MYH15: variants seen among roughly 807,000 people sequenced by gnomAD.
MYH15 encodes the protein myosin-15.
Under a neutral mutation model 240.5 loss-of-function variants are expected in MYH15, and 227 were observed. The ratio of observed to expected loss-of-function variants is 0.94; its 90% CI spans 0.85 to 1.05. The LOEUF (loss-of-function observed/expected upper bound fraction) is 1.05, where lower values mean the gene tolerates loss of function less well. Ranked by LOEUF, MYH15 falls within the 50% of genes least tolerant of loss-of-function variation. The pLI, the probability that MYH15 is intolerant of heterozygous loss-of-function variation, is 0.00. For missense variants in MYH15, 2,217 were observed against 2,247.5 expected, an observed-to-expected ratio of 0.99 and a Z score of 0.27; for synonymous variants, 785 against 796.7, an observed-to-expected ratio of 0.99 and a Z score of 0.25.
At chr3:108,492,979 GA>G in intron 8 of MYH15, 134 bp downstream of exon 8, 1 of 695,362 alleles carries the variant, frequency 1.4e-6, no homozygotes. Context: ...AAGGAAGGGA[GA>G]AAAAGAACGA....
Position 108,470,127 on chromosome 3 carries a change from T to C in MYH15, c.1469A>G (p.Gln490Arg). Reference protein sequence around the residue: ...FFNWHMFVLEQEEYKKESIEW... With the variant: ...FFNWHMFVLEREEYKKESIEW... Reference sequence around the variant, plus strand: ...AATGCTTTCTTTCTTATATTCCTCTTGCTCCAGAACAAACATGTGCCAATT... The same window carrying C: ...AATGCTTTCTTTCTTATATTCCTCTCGCTCCAGAACAAACATGTGCCAATT... The change falls in exon 14 of 41, where the codon CAA (glutamine) becomes CGA (arginine). Residue 490 changes from glutamine to arginine, a missense_variant. Gln to Arg is a conservative substitution (Grantham distance 43). Coordinates refer to ENST00000693548, the MANE Select transcript of MYH15 (RefSeq NM_014981.3). 1.2e-6 allele frequency: 2 copies of C among 1,611,770 alleles called. No individual in the cohort carries two copies. The highest frequency in any genetic ancestry group is 1.7e-6 in the Non-Finnish European group (2 of 1,179,176).
chr3:108,441,362 C>G (rs1312798749), intron 22 of MYH15, 102 bp from the exon 23 acceptor site: 1 of 1,318,570 alleles, frequency 7.6e-7, no homozygotes, highest in Non-Finnish European at 1.1e-6. Flanking sequence ...TGCCTGCCCT[C>G]TGCCCAGCAC....
At chr3:108,385,401 G>A (rs1046863763) in intron 38 of MYH15, among the ~76,000 whole-genome samples, 1 of 152,220 alleles carries the variant, frequency 6.6e-6, no homozygotes, top group Non-Finnish European at 1.5e-5. Context: ...TCTACAAGCT[G>A]TGGGGACCAT....
intron 8 of MYH15, 82 bp from the exon 9 acceptor site, chr3:108,492,677 T>C (rs2083360582): frequency 1.6e-5 from 16 of 1,000,690 alleles, no homozygotes; most frequent in Non-Finnish European, 1.8e-5. Flanking sequence ...CTGAGCGCAG[T>C]GGCTCACAAC....
intron 25 of MYH15, among the ~76,000 whole-genome samples, chr3:108,431,636 T>G (rs1046032617): frequency 6.6e-6 from 1 of 152,076 alleles, no homozygotes; most frequent in African/African-American, 2.4e-5. Context: ...CGGACTAATA[T>G]AGAAATTGGT....
intron 27 of MYH15, among the ~76,000 whole-genome samples, chr3:108,423,106 C>A (rs1281167915): frequency 2.0e-5 from 3 of 152,108 alleles, no homozygotes; most frequent in African/African-American, 7.2e-5. Context: ...TCTCACAAGG[C>A]CAGAGTCCCT....
intron 7 of MYH15, 50 bp from the exon 8 acceptor site, chr3:108,493,227 A>C (rs1560425816): frequency 2.6e-6 from 4 of 1,515,906 alleles, no homozygotes; most frequent in Non-Finnish European, 3.7e-6. Context: ...TTTCCTATTC[A>C]CATTTTCCAA....
chr3:108,436,737 C>T (rs2082841204), intron 25 of MYH15, among the ~76,000 whole-genome samples: 3 of 152,192 alleles, frequency 2.0e-5, no homozygotes, highest in Admixed American at 2.0e-4. Context: ...TGGGGTTTCA[C>T]CATGTTGCCC....
At chr3:108,451,381 A>AAAAAT (rs1184325701) in intron 21 of MYH15, among the ~76,000 whole-genome samples, 1 of 152,190 alleles carries the variant, frequency 6.6e-6, no homozygotes, top group African/African-American at 2.4e-5. Context: ...CTCTGTCTCA[A>AAAAAT]AAAATAAAAT....
chr3:108,427,631 C>G (rs1281268501), intron 27 of MYH15, among the ~76,000 whole-genome samples: 2,828 of 115,714 alleles, frequency 0.024, 75 homozygotes, highest in African/African-American at 0.08. Context: ...CACACACACA[C>G]ACACAGAGAG....
intron 9 of MYH15, among the ~76,000 whole-genome samples, chr3:108,488,913 G>C (rs6766060): frequency 0.21 from 31,667 of 152,096 alleles, 4,296 homozygotes; most frequent in Non-Finnish European, 0.3. Flanking sequence ...AGTGAAAAAG[G>C]GTTGCCTTTT....
At chr3:108,544,423 T>C in the MYH15 span, among the ~76,000 whole-genome samples, 4 of 152,166 alleles carry the variant, frequency 2.6e-5, no homozygotes, top group Admixed American at 2.6e-4. Context: ...ATTAGCAGTA[T>C]GATCATAAGT....
intron 9 of MYH15, among the ~76,000 whole-genome samples, chr3:108,486,808 AAACAAC>A (rs372406732): frequency 6.6e-6 from 1 of 152,162 alleles, no homozygotes; most frequent in Non-Finnish European, 1.5e-5. Context: ...AAAAACAAAC[AAACAAC>A]AACAACAACA....
intron 11 of MYH15, among the ~76,000 whole-genome samples, chr3:108,483,000 C>A (rs1472230208): frequency 6.6e-6 from 1 of 151,946 alleles, no homozygotes; most frequent in Non-Finnish European, 1.5e-5. Flanking sequence ...TTGAGACCAG[C>A]CTGGCCAACA....
Position 108,455,752 on chromosome 3 carries a change from C to G in MYH15, c.2246G>C (p.Arg749Pro). The G allele has an allele frequency of 6.2e-7, 1 of 1,613,758 alleles. No homozygotes were observed. The highest frequency in any genetic ancestry group is 8.5e-7 in the Non-Finnish European group (1 of 1,179,758). ...GSLEIDHTQY[R>P]FGITKVFFKA... The stretch of plus-strand genomic sequence containing the variant: ...TCTGGTTACCTTAGTGATTCCAAAT[C>G]GGTACTGGGTATGGTCTATCTCCAA... The change falls in exon 20 of 41, where the codon CGA (arginine) becomes CCA (proline). Residue 749 changes from arginine to proline, a missense_variant. Transcript: ENST00000693548.
chr3:108,415,487 C>T (rs1350006799), intron 29 of MYH15, among the ~76,000 whole-genome samples: 2 of 152,056 alleles, frequency 1.3e-5, no homozygotes, highest in African/African-American at 4.8e-5. Context: ...CTTTATGTGG[C>T]ATTTACATGG....
Position 108,453,426 on chromosome 3 carries a change from C to T in MYH15, c.2399+580G>A, listed in dbSNP as rs2082991294. Among the ~76,000 whole-genome samples the T allele has an allele frequency of 2.6e-5, 4 of 152,220 alleles. No individual in the cohort carries two copies. The South Asian group carries it at 8.3e-4, about 31-fold the overall frequency. ...GTAAATACAACTTCAGCATCCCTTG[C>T]TCACAGTCCCTTTGTTTGGAGATTT... is the stretch of plus-strand genomic sequence containing the variant. On this transcript the variant is annotated intron_variant, in intron 21 of 40. Transcript: ENST00000693548.
At chr3:108,530,637 G>A (rs772812217), upstream of MYH15, among the ~76,000 whole-genome samples, 1 of 152,170 alleles carries the variant, frequency 6.6e-6, no homozygotes, top group Non-Finnish European at 1.5e-5. Flanking sequence ...CTCTGGTGGG[G>A]ATGTTGATAA....
In MYH15 at chr3:108,470,157, A is replaced by G. The variant is rs1221535615; in HGVS notation, c.1439T>C (p.Phe480Ser). 6.2e-7 allele frequency: 1 copy of G among 1,609,588 alleles called. No individual in the cohort carries two copies. The highest frequency in any genetic ancestry group is 2.2e-5 in the East Asian group (1 of 44,772). ...INFTNEKLQQ[F>S]FNWHMFVLEQ... is the part of the protein sequence containing the mutation. The stretch of plus-strand genomic sequence containing the variant: ...CAGAACAAACATGTGCCAATTGAAG[A>G]ATTGTTGTAATTTTTCATTGGTAAA... The change falls in exon 14 of 41, where the codon TTC (phenylalanine) becomes TCC (serine). Residue 480 changes from phenylalanine (F) to serine (S), a missense_variant. Phe to Ser is a radical substitution (Grantham distance 155, BLOSUM62 -2). Transcript: ENST00000693548.
Sources: allele counts gnomAD v4.1 joint callset (sites outside exome capture counted in the v4.1 genomes callset), GRCh38; gene constraint gnomAD v4.1.1; transcripts MANE v1.5; gene names NCBI Gene and HGNC (gene_info 2026-07-23, HGNC 2026-07-21).